The following RNF175 variants were observed in gnomAD, a reference collection of about 807,000 sequenced individuals.
RNF175 encodes the protein ring finger protein 175.
Under a neutral mutation model 50.0 loss-of-function variants are expected in RNF175, and 38 were observed. The observed-to-expected ratio is 0.76, with a 90% CI of 0.59 to 1.00. RNF175 has a LOEUF of 1.00. Among genes scored for constraint, RNF175 ranks in the 50% least tolerant of loss-of-function variants. The probability of loss-of-function intolerance (pLI) is 0.00; values close to 1 mark genes in which losing one functional copy is unlikely to be tolerated. For missense variants in RNF175, 388 were observed against 409.6 expected (o/e 0.95, Z 0.46); for synonymous variants, 155 against 146.1 (o/e 1.06, Z -0.44).
intron 6 of RNF175, among the ~76,000 whole-genome samples, chr4:153,718,226 G>GTTTTTTTTTTTTTTTTTTTTT (rs1325216298): frequency 3.3e-5 from 1 of 30,542 alleles, no homozygotes; most frequent in African/African-American, 8.2e-5. Flanking sequence ...TTGTTTGTTT[G>GTTTTTTTTTTTTTTTTTTTTT]TTTGTTTGTT....
chr4:153,747,514 C>T (rs1740038349), intron 3 of RNF175, among the ~76,000 whole-genome samples: 1 of 152,226 alleles, frequency 6.6e-6, no homozygotes, highest in Non-Finnish European at 1.5e-5. Context: ...ACTCCAGCTT[C>T]CGATACCTTG....
At chr4:153,717,202 T>C (rs1204838328) in intron 6 of RNF175, among the ~76,000 whole-genome samples, 1 of 152,252 alleles carries the variant, frequency 6.6e-6, no homozygotes, top group Non-Finnish European at 1.5e-5. Context: ...ATTCCAGCTT[T>C]GGCCATTGGG....
chr4:153,748,582 G>GA (rs1213721512), intron 3 of RNF175, 63 bp downstream of exon 3: 10 of 1,439,990 alleles, frequency 6.9e-6, no homozygotes, highest in African/African-American at 2.9e-5. Context: ...ACATGTCCTG[G>GA]AAAAAAACAG....
At chr4:153,730,768 G>T (rs1418421857) in intron 3 of RNF175, among the ~76,000 whole-genome samples, 1 of 152,062 alleles carries the variant, frequency 6.6e-6, no homozygotes, top group East Asian at 1.9e-4. Context: ...TTAGATCTAA[G>T]CCAAAATATA....
intron 3 of RNF175, among the ~76,000 whole-genome samples, chr4:153,736,753 T>C (rs1266649180): frequency 6.6e-6 from 1 of 152,228 alleles, no homozygotes; most frequent in Admixed American, 6.5e-5. Context: ...TTTGTGTCTT[T>C]CAAAGAATTA....
intron 3 of RNF175, among the ~76,000 whole-genome samples, chr4:153,739,266 C>T (rs1032162812): frequency 2.6e-5 from 4 of 151,968 alleles, no homozygotes; most frequent in African/African-American, 9.7e-5. Context: ...ACTAAAAATA[C>T]AAAAATTAGC....
chr4:153,745,275 T>A (rs1377559652), intron 3 of RNF175, among the ~76,000 whole-genome samples: 1 of 152,212 alleles, frequency 6.6e-6, no homozygotes, highest in East Asian at 1.9e-4. Context: ...TGGGTCCCTA[T>A]TGAATCGGAA....
chr4:153,753,151 C>G (rs1435550703), intron 1 of RNF175, among the ~76,000 whole-genome samples: 1 of 152,170 alleles, frequency 6.6e-6, no homozygotes, highest in Non-Finnish European at 1.5e-5. Context: ...GGGCAAAAGA[C>G]ACCGAAGCCC....
intron 6 of RNF175, 31 bp from the exon 7 acceptor site, chr4:153,715,693 G>T: frequency 6.2e-7 from 1 of 1,601,678 alleles, no homozygotes. Flanking sequence ...AGCACAGTCA[G>T]AAAGGAGAGC....
At chr4:153,735,999 C>T (rs1116636) in intron 3 of RNF175, among the ~76,000 whole-genome samples, 26,901 of 152,202 alleles carry the variant, frequency 0.18, 3,099 homozygotes, top group Non-Finnish European at 0.25. Context: ...GGACTTCCTG[C>T]ACAATGTTGA....
chr4:153,756,867 G>A (rs188409901), intron 1 of RNF175, among the ~76,000 whole-genome samples: 1 of 152,326 alleles, frequency 6.6e-6, no homozygotes, highest in East Asian at 1.9e-4. Context: ...GGTGGCTAGG[G>A]GAAGATGAGA....
At chr4:153,741,795 G>T (rs1357913690) in intron 3 of RNF175, among the ~76,000 whole-genome samples, 1 of 152,090 alleles carries the variant, frequency 6.6e-6, no homozygotes, top group Non-Finnish European at 1.5e-5. Context: ...GGTTAAATGA[G>T]TAGATAGAAT....
chr4:153,722,138 G>A (rs1738377963), intron 5 of RNF175, among the ~76,000 whole-genome samples: 1 of 152,136 alleles, frequency 6.6e-6, no homozygotes, highest in African/African-American at 2.4e-5. Flanking sequence ...GCTATTCTGG[G>A]GGATTTGTAT....
At chr4:153,723,004 T>C (rs1020816640) in intron 5 of RNF175, among the ~76,000 whole-genome samples, 3 of 152,162 alleles carry the variant, frequency 2.0e-5, no homozygotes, top group African/African-American at 7.2e-5. Context: ...AGAAGATATA[T>C]ATAAAAGGAG....
chr4:153,748,776 C>T lies in RNF175; in HGVS notation c.115G>A (p.Glu39Lys). 1 of 1,612,274 alleles carries T rather than the reference C, an allele frequency of 6.2e-7. No individual in the cohort carries two copies. Among genetic ancestry groups the T allele is most frequent in the Non-Finnish European group, 8.5e-7 (1 of 1,179,182 alleles). Residue 39 changes from glutamate (E) to lysine (K), a missense_variant, in exon 3 of 9, where the codon GAG (glutamate) becomes AAG (lysine). Transcript: ENST00000347063. ...CCCCGGTGCATCTTGTACATCCTCTCCTGCTGCAGGCTGGAACCAGCAAAA... is the reference window on the plus strand; with the variant it reads ...CCCCGGTGCATCTTGTACATCCTCTTCTGCTGCAGGCTGGAACCAGCAAAA... ...SAEDTWNLQQ[E>K]RMYKMHRGHD... is the part of the protein sequence containing the mutation.
intron 3 of RNF175, 127 bp downstream of exon 3, chr4:153,748,518 G>T: frequency 1.3e-6 from 1 of 778,678 alleles, no homozygotes; most frequent in Non-Finnish European, 1.9e-6. Context: ...GCACTTGGTT[G>T]AGAACCACTG....
At chr4:153,722,598 C>A (rs957736058) in intron 5 of RNF175, among the ~76,000 whole-genome samples, 2 of 152,156 alleles carry the variant, frequency 1.3e-5, no homozygotes, top group Admixed American at 6.5e-5. Flanking sequence ...AGCCACGGCG[C>A]CCAGCCTCTT....
At chr4:153,735,087 C>A (rs1009104676) in intron 3 of RNF175, among the ~76,000 whole-genome samples, 2 of 152,124 alleles carry the variant, frequency 1.3e-5, no homozygotes, top group Admixed American at 1.3e-4. Flanking sequence ...AAAAACCCAT[C>A]ATCAAATACA....
At chr4:153,713,750 T>A (rs898237656) in intron 7 of RNF175, 4 of 152,190 alleles carry the variant, frequency 2.6e-5, no homozygotes, top group Non-Finnish European at 4.4e-5. Context: ...ATTTTTGCAA[T>A]ATGCTTTAAA....
Sources: gnomAD v4.1 joint callset for allele counts (sites outside exome capture counted in the v4.1 genomes callset) on GRCh38, gnomAD v4.1.1 for gene constraint, MANE v1.5 for transcripts, NCBI Gene and HGNC (gene_info 2026-07-23, HGNC 2026-07-21) for gene names.